Variants in MTIF2 observed in about 807,000 individuals in gnomAD.
The protein encoded by MTIF2 is translation initiation factor IF-2, mitochondrial.
Under a neutral mutation model 83.5 loss-of-function variants are expected in MTIF2, and 71 were observed. That is an observed-to-expected ratio of 0.85 (90% CI 0.70 to 1.04). The LOEUF (loss-of-function observed/expected upper bound fraction) is 1.04. MTIF2 is among the 50% of genes least tolerant of loss of function. MTIF2 has a pLI of 0.00. For synonymous variants in MTIF2, 319 were observed against 287.1 expected (o/e 1.11, Z -1.12); for missense variants, 957 against 846.5 (o/e 1.13, Z -1.62).
chr2:55,240,009 A>T lies in MTIF2; in HGVS notation c.1870+2T>A. 1 of 1,601,788 alleles carries T rather than the reference A, an allele frequency of 6.2e-7. No individual in the cohort carries two copies. The highest frequency in any genetic ancestry group is 8.5e-7 in the Non-Finnish European group (1 of 1,172,294). On this transcript the variant is annotated splice_donor_variant, in intron 14 of 15. Transcript: ENST00000263629. LOFTEE classifies it high-confidence loss of function. Reference sequence around the variant, plus strand: ...TAAAAGTAACATTCAGTGATCACTCACCTACTGGGTGCTCTTCCACAGCAC... The same window carrying T: ...TAAAAGTAACATTCAGTGATCACTCTCCTACTGGGTGCTCTTCCACAGCAC...
chr2:55,253,798 GAGTGAGACTCTGTCTCAAAAAGAAAAAAA>G (rs377360864), intron 7 of MTIF2, among the ~76,000 whole-genome samples: 45,377 of 150,144 alleles, frequency 0.3, 8,573 homozygotes, highest in Non-Finnish European at 0.41. Flanking sequence ...CTGGGTGACA[GAGTGAGACTCTGTCTCAAAAAGAAAAAAA>G]AAAAAAAAAA....
chr2:55,266,965 T>C (rs1678482140), intron 3 of MTIF2, among the ~76,000 whole-genome samples: 1 of 151,966 alleles, frequency 6.6e-6, no homozygotes, highest in Non-Finnish European at 1.5e-5. Context: ...ACACCGGGTT[T>C]TACCATGTTG....
At chr2:55,248,465 TATAA>T (rs1049741632) in intron 9 of MTIF2, among the ~76,000 whole-genome samples, 13 of 152,092 alleles carry the variant, frequency 8.5e-5, no homozygotes, top group East Asian at 1.9e-4. Flanking sequence ...AAGGCTATAT[TATAA>T]ATAAACTTTG....
intron 6 of MTIF2, 29 bp from the exon 7 acceptor site, chr2:55,254,230 T>C: frequency 6.2e-7 from 1 of 1,600,492 alleles, no homozygotes; most frequent in Non-Finnish European, 8.5e-7. Context: ...GAGTTTCATT[T>C]CTTAAATATC....
At chr2:55,254,929 T>C (rs1286806715) in intron 5 of MTIF2, 104 bp from the exon 6 acceptor site, 2 of 572,482 alleles carry the variant, frequency 3.5e-6, no homozygotes, top group Admixed American at 8.7e-5. Context: ...ATGAGAGGAA[T>C]AACTATGCAA....
intron 5 of MTIF2, among the ~76,000 whole-genome samples, chr2:55,256,922 C>T (rs962543339): frequency 6.6e-6 from 1 of 152,048 alleles, no homozygotes; most frequent in African/African-American, 2.4e-5. Flanking sequence ...TGGTTTTGAA[C>T]TCCTGGTCGA....
At chr2:55,256,328 A>AT (rs149034173) in intron 5 of MTIF2, among the ~76,000 whole-genome samples, 421 of 138,776 alleles carry the variant, frequency 3.0e-3, no homozygotes, top group Non-Finnish European at 5.1e-3. Flanking sequence ...ACACACACAC[A>AT]ATATATATCT....
At chr2:55,240,447 G>T (rs1355305649) in intron 13 of MTIF2, among the ~76,000 whole-genome samples, 5 of 152,050 alleles carry the variant, frequency 3.3e-5, no homozygotes, top group African/African-American at 7.2e-5. Flanking sequence ...GGGCGTGGTG[G>T]TGGCACCTGT....
chr2:55,251,756 TG>T (rs1279121080), intron 8 of MTIF2, among the ~76,000 whole-genome samples: 2 of 152,166 alleles, frequency 1.3e-5, no homozygotes, highest in South Asian at 2.1e-4. Context: ...CCCAAGTAGC[TG>T]GGATTACAGG....
At chr2:55,268,897 G>A (rs891440372) in intron 1 of MTIF2, 158 bp from the exon 2 acceptor site, 2 of 152,184 alleles carry the variant, frequency 1.3e-5, no homozygotes, top group Non-Finnish European at 2.9e-5. Context: ...GAAGGCCTTG[G>A]GCCCATGGGA....
chr2:55,254,600 A>C (rs1418777807), intron 6 of MTIF2, 54 bp downstream of exon 6: 3 of 1,371,630 alleles, frequency 2.2e-6, no homozygotes, highest in Non-Finnish European at 1.9e-6. Flanking sequence ...AAAAGTGTAA[A>C]TATAACTATG....
chr2:55,268,343 C>T (rs372884666), intron 2 of MTIF2, among the ~76,000 whole-genome samples: 6 of 152,110 alleles, frequency 3.9e-5, no homozygotes, highest in African/African-American at 1.4e-4. Flanking sequence ...ATCTTATTTA[C>T]GTTTGTGCCC....
chr2:55,245,970 T>C (rs1312219419), intron 10 of MTIF2, among the ~76,000 whole-genome samples: 1 of 152,168 alleles, frequency 6.6e-6, no homozygotes, highest in African/African-American at 2.4e-5. Flanking sequence ...TATTAATGGG[T>C]AAAGTATAAA....
chr2:55,256,033 T>A (rs970938839), intron 5 of MTIF2, among the ~76,000 whole-genome samples: 1 of 151,922 alleles, frequency 6.6e-6, no homozygotes, highest in African/African-American at 2.4e-5. Flanking sequence ...CACGCCACCA[T>A]CCCTGGCTAA....
Position 55,243,440 on chromosome 2 carries a change from T to A in MTIF2, c.1540A>T (p.Asn514Tyr). Residue 514 changes from asparagine (N) to tyrosine (Y), a missense_variant, in exon 12 of 16, where the codon AAT (asparagine) becomes TAT (tyrosine). Asn to Tyr is a moderately radical substitution (Grantham distance 143, BLOSUM62 -2). Transcript: ENST00000263629. The part of the protein sequence containing the change: ...KPKEKRERDS[N>Y]VLSVIIKGDV... ...CCTTTAATAATCACAGAAAGTACAT[T>A]TGAATCTCTTTCCCTTTTCTCTTTT... The A allele has an allele frequency of 6.2e-7, 1 of 1,608,842 alleles. No homozygotes were observed. Among genetic ancestry groups the A allele is most frequent in the Non-Finnish European group, 8.5e-7 (1 of 1,176,458 alleles).
intron 5 of MTIF2, among the ~76,000 whole-genome samples, chr2:55,258,874 G>C (rs6726380): frequency 0.19 from 28,901 of 151,226 alleles, 3,537 homozygotes; most frequent in African/African-American, 0.34. Flanking sequence ...CAGCTATTCA[G>C]GAGGCTGAAG....
At chr2:55,247,703 C>T (rs759162210) in intron 9 of MTIF2, among the ~76,000 whole-genome samples, 14 of 152,148 alleles carry the variant, frequency 9.2e-5, no homozygotes, top group Non-Finnish European at 2.1e-4. Context: ...AGAGTTGTTT[C>T]CTTGCATGAA....
chr2:55,260,962 G>A (rs1219117140), intron 5 of MTIF2, among the ~76,000 whole-genome samples: 2 of 151,976 alleles, frequency 1.3e-5, no homozygotes, highest in African/African-American at 2.4e-5. Flanking sequence ...ATAATATTAT[G>A]AGAAGTTGTA....
rs1475858397 is a variant in MTIF2, at chr2:55,252,646, CAG to C, written c.670_671del (p.Leu224AlafsTer10). The stretch of plus-strand genomic sequence containing the variant: ...GAAAAGTTATCTTTTCCCCAGAAGG[CAG>C]AGAGACTGTGGAAACAGAAATTCAA... ...TQHIGAFLVS[L>X]PSGEKITFLD... is the part of the protein sequence containing the mutation. On this transcript the variant is annotated frameshift_variant, in exon 8 of 16. Coordinates refer to ENST00000263629, the MANE Select transcript of MTIF2 (RefSeq NM_002453.3). LOFTEE classifies it high-confidence loss of function. The C allele has an allele frequency of 6.2e-7, 1 of 1,610,598 alleles. No individual in the cohort carries two copies. Among genetic ancestry groups the C allele is most frequent in the Non-Finnish European group, 8.5e-7 (1 of 1,178,052 alleles).
Sources: allele counts gnomAD v4.1 joint callset (sites outside exome capture counted in the v4.1 genomes callset), GRCh38; gene constraint gnomAD v4.1.1; transcripts MANE v1.5; gene names NCBI Gene and HGNC (gene_info 2026-07-23, HGNC 2026-07-21).